The following UNC13B variants were observed in gnomAD, a reference collection of about 807,000 sequenced individuals.
The protein encoded by UNC13B is unc-13 homolog B, also known as protein unc-13 homolog B.
A neutral mutation model predicts 211.0 loss-of-function variants in UNC13B; 144 were observed. The ratio of observed to expected loss-of-function variants is 0.68; its 90% CI spans 0.60 to 0.78. UNC13B has a LOEUF of 0.78. Ranked by LOEUF, UNC13B falls within the 30% of genes least tolerant of loss-of-function variation. The pLI is 0.00. For synonymous variants in UNC13B, 709 were observed against 725.8 expected, an observed-to-expected ratio of 0.98 and a Z score of 0.37; for missense variants, 1,777 against 2,002.0, an observed-to-expected ratio of 0.89 and a Z score of 2.14.
chr9:35,376,798 C>T (rs1396693888), intron 15 of UNC13B, among the ~76,000 whole-genome samples: 4 of 152,168 alleles, frequency 2.6e-5, no homozygotes, highest in Admixed American at 1.3e-4. Context: ...AAATATATGA[C>T]TTGTCCTGCC....
chr9:35,195,165 G>A (rs1326897636), intron 1 of UNC13B, among the ~76,000 whole-genome samples: 1 of 152,164 alleles, frequency 6.6e-6, no homozygotes, highest in Non-Finnish European at 1.5e-5. Flanking sequence ...GAGAAGGGAA[G>A]ATGGAGCCAC....
At chr9:35,330,205 G>T (rs989687316) in intron 11 of UNC13B, among the ~76,000 whole-genome samples, 6 of 152,164 alleles carry the variant, frequency 3.9e-5, no homozygotes, top group Non-Finnish European at 8.8e-5. Flanking sequence ...ATGCATTTTT[G>T]AGTACAAAGC....
At chr9:35,354,479 G>T in intron 11 of UNC13B, among the ~76,000 whole-genome samples, 1 of 152,084 alleles carries the variant, frequency 6.6e-6, no homozygotes, top group East Asian at 1.9e-4. Flanking sequence ...CCCTCCACAG[G>T]TCTTATTCCC....
At chr9:35,295,964 A>G (rs750077043) in intron 8 of UNC13B, 34 bp downstream of exon 8, 4 of 1,550,382 alleles carry the variant, frequency 2.6e-6, no homozygotes, top group Non-Finnish European at 3.5e-6. Context: ...TTCTCTTCCT[A>G]ATATCCAGGT....
intron 2 of UNC13B, among the ~76,000 whole-genome samples, chr9:35,230,621 C>T (rs1260696359): frequency 1.3e-5 from 2 of 151,892 alleles, no homozygotes; most frequent in Non-Finnish European, 2.9e-5. Context: ...TTCTTTATCA[C>T]TTTTTCTTTT....
intron 11 of UNC13B, among the ~76,000 whole-genome samples, chr9:35,364,217 G>A (rs1433705018): frequency 7.6e-6 from 1 of 130,988 alleles, no homozygotes; most frequent in Non-Finnish European, 1.5e-5. Flanking sequence ...ATCTGGTCTT[G>A]CAACCTTGGC....
rs1340010481 is a variant in UNC13B at position 35,303,558 on chromosome 9, T to C, written c.4154T>C (p.Leu1385Pro). 5.0e-6 allele frequency: 2 copies of C among 398,672 alleles called. No individual in the cohort carries two copies. Among genetic ancestry groups the C allele is most frequent in the Admixed American group, 4.4e-5 (1 of 22,694 alleles). 24.7% of individuals were successfully genotyped at this position (398,672 alleles called of 1,614,324 possible). ...TATATGTTAAATCAAAATAGATTTC[T>C]ATCAGCCGATGCTTGCTTGTGGCTT... ...VYYMLNQNRF[L>P]SADACLWLDS... The change falls in exon 9 of 40, where the codon CTA (leucine) becomes CCA (proline). Residue 1385 changes from leucine (L) to proline (P), a missense_variant. Leu to Pro is a moderately conservative substitution (Grantham distance 98). Coordinates refer to ENST00000635942, the MANE Select transcript of UNC13B (RefSeq NM_001371189.2).
chr9:35,364,084 C>T (rs1376974552), intron 11 of UNC13B, among the ~76,000 whole-genome samples: 1 of 152,174 alleles, frequency 6.6e-6, no homozygotes, highest in Non-Finnish European at 1.5e-5. Flanking sequence ...GCTCAGTCAC[C>T]AGGGCCTTTG....
chr9:35,186,432 C>T (rs1247568672), intron 1 of UNC13B, among the ~76,000 whole-genome samples: 1 of 152,192 alleles, frequency 6.6e-6, no homozygotes, highest in Non-Finnish European at 1.5e-5. Flanking sequence ...CACCCGCTGT[C>T]CCACTTTGAG....
chr9:35,303,161 T>A lies in UNC13B; in HGVS notation c.3757T>A (p.Leu1253Ile). 2.5e-6 allele frequency: 1 copy of A among 398,690 alleles called. No homozygotes were observed. Among genetic ancestry groups the A allele is most frequent in the Non-Finnish European group, 4.4e-6 (1 of 225,786 alleles). 24.7% of individuals were successfully genotyped at this position (398,690 alleles called of 1,614,324 possible). ...HETSSFIEASLLPKENIPLSD... is the reference protein window; with the variant it reads ...HETSSFIEASILPKENIPLSD... ...AACTTCTAGCTTCATAGAAGCCTCC[T>A]TATTACCTAAAGAAAACATACCATT... The change falls in exon 9 of 40, where the codon TTA becomes ATA. Residue 1253 changes from leucine (L) to isoleucine (I), a missense_variant. By Grantham distance (5) the Leu-to-Ile change is conservative. Coordinates refer to ENST00000635942, the MANE Select transcript of UNC13B (RefSeq NM_001371189.2).
chr9:35,251,083 C>T (rs915067658), intron 6 of UNC13B, among the ~76,000 whole-genome samples: 2 of 151,564 alleles, frequency 1.3e-5, no homozygotes, highest in Non-Finnish European at 2.9e-5. Context: ...CTGCCTCAGC[C>T]TCCGGAGTAG....
In UNC13B at chr9:35,303,545, C is replaced by G. The variant is rs1281038295; in HGVS notation, c.4141C>G (p.Gln1381Glu). The change falls in exon 9 of 40, where the codon CAA (glutamine) becomes GAA (glutamate). Residue 1381 changes from glutamine (Q) to glutamate (E), a missense_variant. Physicochemically the swap from Gln to Glu is conservative, Grantham distance 29 (BLOSUM62 2). Coordinates refer to ENST00000635942, the MANE Select transcript of UNC13B (RefSeq NM_001371189.2). ...TCAGCCAGTTTATTATATGTTAAAT[C>G]AAAATAGATTTCTATCAGCCGATGC... Reference protein sequence around the residue: ...KLQPVYYMLNQNRFLSADACL... With the variant: ...KLQPVYYMLNENRFLSADACL... 2.5e-6 allele frequency: 1 copy of G among 398,536 alleles called. No individual in the cohort carries two copies. Among genetic ancestry groups the G allele is most frequent in the Non-Finnish European group, 4.4e-6 (1 of 225,814 alleles). The allele number at this position is 398,536 out of a possible 1,614,324, so 24.7% of individuals were successfully genotyped here.
intron 7 of UNC13B, among the ~76,000 whole-genome samples, chr9:35,268,008 C>T (rs1827669100): frequency 6.6e-6 from 1 of 152,114 alleles, no homozygotes; most frequent in African/African-American, 2.4e-5. Flanking sequence ...CTCTGTCTCC[C>T]AGCTCTGCCT....
At chr9:35,193,250 A>G (rs1822754318) in intron 1 of UNC13B, among the ~76,000 whole-genome samples, 1 of 152,196 alleles carries the variant, frequency 6.6e-6, no homozygotes, top group African/African-American at 2.4e-5. Flanking sequence ...ATTACAGTCC[A>G]TGCTAAAGTG....
intron 6 of UNC13B, among the ~76,000 whole-genome samples, chr9:35,258,349 C>T (rs1827056955): frequency 6.6e-6 from 1 of 152,168 alleles, no homozygotes; most frequent in African/African-American, 2.4e-5. Context: ...CTAAATCGGG[C>T]CCATCCTCAA....
At chr9:35,186,915 A>G (rs1822392780) in intron 1 of UNC13B, among the ~76,000 whole-genome samples, 1 of 152,070 alleles carries the variant, frequency 6.6e-6, no homozygotes, top group Admixed American at 6.6e-5. Flanking sequence ...CCTTCTTTGT[A>G]TAGCCAGGGT....
chr9:35,404,343 C>T lies in UNC13B; in HGVS notation c.*310C>T. ...CATTCTTGGTAGACACCTCTCCACT[C>T]CTCATCCCACCTCTACCCATCTCCA... On this transcript the variant is annotated 3_prime_UTR_variant, in exon 40 of 40. Coordinates refer to ENST00000635942, the MANE Select transcript of UNC13B (RefSeq NM_001371189.2). 1 of 386,122 alleles carries T rather than the reference C, an allele frequency of 2.6e-6. No homozygotes were observed. Among genetic ancestry groups the T allele is most frequent in the Non-Finnish European group, 4.8e-6 (1 of 209,054 alleles). 23.9% of individuals were successfully genotyped at this position (386,122 alleles called of 1,614,324 possible).
intron 17 of UNC13B, 132 bp from the exon 18 acceptor site, chr9:35,380,338 C>A: frequency 1.0e-6 from 1 of 965,464 alleles, no homozygotes; most frequent in Non-Finnish European, 1.5e-6. Context: ...AACTTTTGTA[C>A]TGCTGTCCTC....
intron 1 of UNC13B, among the ~76,000 whole-genome samples, chr9:35,186,678 C>T (rs577220443): frequency 2.6e-5 from 4 of 152,094 alleles, no homozygotes; most frequent in East Asian, 1.9e-4. Flanking sequence ...CTTGAGAAGG[C>T]GGTGTCTGAT....
Sources: gnomAD v4.1 joint callset for allele counts (sites outside exome capture counted in the v4.1 genomes callset) on GRCh38, gnomAD v4.1.1 for gene constraint, MANE v1.5 for transcripts, NCBI Gene and HGNC (gene_info 2026-07-23, HGNC 2026-07-21) for gene names.